Variants in SLC44A5 observed in about 807,000 individuals in gnomAD.
The protein encoded by SLC44A5 is choline transporter-like protein 5.
A neutral mutation model predicts 101.8 loss-of-function variants in SLC44A5; 57 were observed. The ratio of observed to expected loss-of-function variants is 0.56; its 90% CI spans 0.45 to 0.70. SLC44A5 has a LOEUF of 0.70. Among genes scored for constraint, SLC44A5 ranks in the 30% least tolerant of loss-of-function variants. The pLI is 0.00. For missense variants in SLC44A5, 737 were observed against 853.1 expected, an observed-to-expected ratio of 0.86 and a Z score of 1.70; for synonymous variants, 281 against 290.9, an observed-to-expected ratio of 0.97 and a Z score of 0.35.
At chr1:75,258,806 T>C (rs902816627) in intron 6 of SLC44A5, among the ~76,000 whole-genome samples, 10 of 151,762 alleles carry the variant, frequency 6.6e-5, no homozygotes, top group African/African-American at 2.4e-4. Flanking sequence ...GGTGCCCCTC[T>C]GGGACGAAGC....
intron 2 of SLC44A5, among the ~76,000 whole-genome samples, chr1:75,416,187 T>C (rs1485923372): frequency 1.3e-5 from 2 of 152,180 alleles, no homozygotes; most frequent in Admixed American, 1.3e-4. Flanking sequence ...TTTCATGGGC[T>C]ACACCCAGGG....
intron 1 of SLC44A5, among the ~76,000 whole-genome samples, chr1:75,603,341 C>T (rs956047612): frequency 7.2e-6 from 1 of 138,876 alleles, no homozygotes; most frequent in Non-Finnish European, 1.5e-5. Context: ...TATAGTATTC[C>T]ATAGTGTATT....
rs569653381 is a variant in SLC44A5, at chr1:75,298,665, T to G, written c.175+1947A>C. The stretch of plus-strand genomic sequence containing the variant: ...TTGATGAAGGAATAAGGCCTCCTAG[T>G]GGAAAGATTCTGGTCACAGGATGAG... On this transcript the variant is annotated intron_variant, in intron 5 of 23. Coordinates refer to ENST00000370859, the MANE Select transcript of SLC44A5 (RefSeq NM_001130058.2). 1.2e-3 allele frequency among the ~76,000 whole-genome samples: 186 copies of G among 152,174 alleles called. 1 individual carries two copies. The highest frequency in any genetic ancestry group is 4.3e-3 in the African/African-American group (180 of 41,514).
At chr1:75,690,798 T>C in the SLC44A5 span, among the ~76,000 whole-genome samples, 2 of 152,136 alleles carry the variant, frequency 1.3e-5, no homozygotes, top group African/African-American at 4.8e-5. Context: ...TTCACTTTTT[T>C]CCAGGAATTT....
intron 4 of SLC44A5, among the ~76,000 whole-genome samples, chr1:75,309,536 AG>A (rs1655148522): frequency 6.6e-6 from 1 of 152,256 alleles, no homozygotes; most frequent in Middle Eastern, 3.2e-3. Flanking sequence ...CAGTCCTCAA[AG>A]AAAAGCAGTA....
At chr1:75,651,051 A>G in the SLC44A5 span, among the ~76,000 whole-genome samples, 8 of 152,202 alleles carry the variant, frequency 5.3e-5, no homozygotes, top group African/African-American at 1.9e-4. Flanking sequence ...AAATAAATCA[A>G]TGTTTGATAT....
chr1:75,618,354 G>A, the SLC44A5 span, among the ~76,000 whole-genome samples: 2 of 152,182 alleles, frequency 1.3e-5, no homozygotes, highest in African/African-American at 4.8e-5. Flanking sequence ...CTGAACAGAT[G>A]AGGAAACTGA....
intron 3 of SLC44A5, among the ~76,000 whole-genome samples, chr1:75,351,796 C>T (rs1658676572): frequency 7.5e-6 from 1 of 133,908 alleles, no homozygotes; most frequent in Non-Finnish European, 1.6e-5. Flanking sequence ...CGCCCCACCC[C>T]CCCAAACCAT....
chr1:75,325,041 C>T (rs1474272955), intron 4 of SLC44A5, among the ~76,000 whole-genome samples: 2 of 152,118 alleles, frequency 1.3e-5, no homozygotes, highest in African/African-American at 2.4e-5. Flanking sequence ...TCACAATCTA[C>T]TCATGGATAA....
At chr1:75,418,899 T>A (rs1042203357) in intron 2 of SLC44A5, among the ~76,000 whole-genome samples, 15 of 151,696 alleles carry the variant, frequency 9.9e-5, no homozygotes, top group African/African-American at 2.9e-4. Context: ...AGAAAAAAAA[T>A]AAAATACAAC....
chr1:75,467,653 C>T (rs757453438), intron 2 of SLC44A5, among the ~76,000 whole-genome samples: 5 of 152,138 alleles, frequency 3.3e-5, no homozygotes, highest in African/African-American at 4.8e-5. Context: ...AAGTAGATGC[C>T]TATCTCTCGC....
chr1:75,647,747 A>G, the SLC44A5 span, among the ~76,000 whole-genome samples: 1 of 152,196 alleles, frequency 6.6e-6, no homozygotes, highest in African/African-American at 2.4e-5. Flanking sequence ...TGTGAGGCCT[A>G]TAGCCCCTTT....
At chr1:75,222,317 C>T (rs375653636) in intron 14 of SLC44A5, 44 bp downstream of exon 14, 39 of 1,396,136 alleles carry the variant, frequency 2.8e-5, no homozygotes, top group Non-Finnish European at 1.9e-5. Context: ...ACTGATTTTA[C>T]TGACTGATAC....
intron 2 of SLC44A5, among the ~76,000 whole-genome samples, chr1:75,524,536 TTC>T (rs1670313814): frequency 6.6e-6 from 1 of 152,184 alleles, no homozygotes; most frequent in South Asian, 2.1e-4. Flanking sequence ...TACAATTTGT[TTC>T]CCAAACTTGT....
intron 2 of SLC44A5, among the ~76,000 whole-genome samples, chr1:75,471,239 T>C (rs1401567499): frequency 6.6e-6 from 1 of 152,170 alleles, no homozygotes; most frequent in East Asian, 1.9e-4. Context: ...TTTCTCATCA[T>C]TGCTTGAATT....
intron 4 of SLC44A5, among the ~76,000 whole-genome samples, chr1:75,337,249 T>C (rs1657518045): frequency 1.3e-5 from 2 of 152,174 alleles, no homozygotes; most frequent in Non-Finnish European, 2.9e-5. Context: ...ATCAGAAGAA[T>C]TATGCTAGTT....
At chr1:75,452,483 C>A (rs776542591) in intron 2 of SLC44A5, among the ~76,000 whole-genome samples, 2 of 152,032 alleles carry the variant, frequency 1.3e-5, no homozygotes, top group East Asian at 3.9e-4. Context: ...TGTAAAGCCC[C>A]CACACAATAG....
At chr1:75,638,072 T>C in the SLC44A5 span, among the ~76,000 whole-genome samples, 32,152 of 151,982 alleles carry the variant, frequency 0.21, 3,632 homozygotes, top group African/African-American at 0.27. Flanking sequence ...TGTGTAATAA[T>C]AGCTAACATT....
intron 4 of SLC44A5, among the ~76,000 whole-genome samples, chr1:75,329,078 A>G (rs1027594361): frequency 6.6e-6 from 1 of 152,214 alleles, no homozygotes; most frequent in African/African-American, 2.4e-5. Context: ...CCCCTGTATC[A>G]CACAGTTTAT....
Sources: allele counts gnomAD v4.1 joint callset (sites outside exome capture counted in the v4.1 genomes callset), GRCh38; gene constraint gnomAD v4.1.1; transcripts MANE v1.5; gene names NCBI Gene and HGNC (gene_info 2026-07-23, HGNC 2026-07-21).